Variants in BRD10 observed in about 807,000 individuals in gnomAD.
The protein encoded by BRD10 is uncharacterized bromodomain-containing protein 10.
chr9:6,005,447 G>A, the BRD10 span, among the ~76,000 whole-genome samples: 1 of 152,212 alleles, frequency 6.6e-6, no homozygotes, highest in East Asian at 1.9e-4. Flanking sequence ...GGAGGTTGCA[G>A]TGAGCTGAGA....
the BRD10 span, among the ~76,000 whole-genome samples, chr9:5,942,525 A>T: frequency 3.3e-5 from 5 of 152,246 alleles, no homozygotes; most frequent in Non-Finnish European, 5.9e-5. Context: ...GTAAAAAATA[A>T]GGAACAATAG....
the BRD10 span, among the ~76,000 whole-genome samples, chr9:5,887,808 G>A: frequency 3.9e-5 from 6 of 152,188 alleles, no homozygotes; most frequent in African/African-American, 1.4e-4. Flanking sequence ...CCAACTGGTT[G>A]TTCTTTCTGA....
the BRD10 span, among the ~76,000 whole-genome samples, chr9:5,879,191 G>T: frequency 6.6e-6 from 1 of 152,098 alleles, no homozygotes; most frequent in African/African-American, 2.4e-5. Context: ...GGCTGGGTGC[G>T]GTGGCTCACA....
At chr9:5,983,944 T>C in the BRD10 span, among the ~76,000 whole-genome samples, 1 of 113,456 alleles carries the variant, frequency 8.8e-6, no homozygotes, top group African/African-American at 3.5e-5. Flanking sequence ...CAATACAGAG[T>C]CATATATGTA....
the BRD10 span, among the ~76,000 whole-genome samples, chr9:5,994,149 C>T: frequency 1.3e-5 from 2 of 152,080 alleles, no homozygotes; most frequent in African/African-American, 4.8e-5. Flanking sequence ...ATGCCCTCAC[C>T]AAAAACTTTT....
the BRD10 span, among the ~76,000 whole-genome samples, chr9:5,912,619 A>G: frequency 5.3e-5 from 8 of 152,212 alleles, no homozygotes; most frequent in African/African-American, 1.9e-4. Context: ...GCCTTCAGGA[A>G]AGGGAGATCC....
chr9:5,928,199 C>A, the BRD10 span, among the ~76,000 whole-genome samples: 1 of 152,232 alleles, frequency 6.6e-6, no homozygotes, highest in African/African-American at 2.4e-5. Context: ...GCAAATTCTA[C>A]CAATCCTACT....
At chr9:5,947,469 C>A in the BRD10 span, among the ~76,000 whole-genome samples, 2 of 151,866 alleles carry the variant, frequency 1.3e-5, no homozygotes, top group African/African-American at 4.8e-5. Context: ...ATTAAATGTA[C>A]GATAAGACAA....
At chr9:5,979,578 A>G in the BRD10 span, among the ~76,000 whole-genome samples, 8 of 152,294 alleles carry the variant, frequency 5.3e-5, no homozygotes, top group African/African-American at 1.9e-4. Flanking sequence ...AAAAAGGAAC[A>G]ATGAACAGAT....
At chr9:5,943,888 T>G in the BRD10 span, among the ~76,000 whole-genome samples, 182 of 152,308 alleles carry the variant, frequency 1.2e-3, 2 homozygotes, top group African/African-American at 4.3e-3. Flanking sequence ...TGCTTAAGGC[T>G]GTTTCACCCT....
the BRD10 span, among the ~76,000 whole-genome samples, chr9:5,889,038 CTGTT>C: frequency 6.6e-6 from 1 of 152,200 alleles, no homozygotes; most frequent in Non-Finnish European, 1.5e-5. Flanking sequence ...GTCATGGTCA[CTGTT>C]TGGTGGTCTC....
At chr9:5,889,569 G>A in the BRD10 span, among the ~76,000 whole-genome samples, 1 of 152,188 alleles carries the variant, frequency 6.6e-6, no homozygotes, top group African/African-American at 2.4e-5. Context: ...GGTGGATCAT[G>A]AGGTCAGGAG....
the BRD10 span, among the ~76,000 whole-genome samples, chr9:5,886,614 T>C: frequency 4.7e-4 from 71 of 152,310 alleles, no homozygotes; most frequent in African/African-American, 1.6e-3. Context: ...GCTGTTAGTT[T>C]GGGACTAGAT....
the BRD10 span, among the ~76,000 whole-genome samples, chr9:5,995,959 C>T: frequency 6.6e-6 from 1 of 151,846 alleles, no homozygotes; most frequent in South Asian, 2.1e-4. Context: ...TGTGAAAAGT[C>T]AAAAAGAAAA....
chr9:5,938,372 G>T, the BRD10 span, among the ~76,000 whole-genome samples: 1 of 152,104 alleles, frequency 6.6e-6, no homozygotes, highest in Non-Finnish European at 1.5e-5. Flanking sequence ...AGCCCAGAAG[G>T]TCAAGGCTGC....
the BRD10 span, among the ~76,000 whole-genome samples, chr9:5,995,506 A>C: frequency 2.0e-5 from 3 of 152,320 alleles, no homozygotes; most frequent in South Asian, 6.2e-4. Context: ...AAACAAGTCC[A>C]AGTTTCCCTG....
At chr9:5,916,622 T>A in the BRD10 span, among the ~76,000 whole-genome samples, 1 of 151,764 alleles carries the variant, frequency 6.6e-6, no homozygotes, top group African/African-American at 2.4e-5. Flanking sequence ...AAAAACTTTT[T>A]GTGAGGGCAG....
the BRD10 span, among the ~76,000 whole-genome samples, chr9:6,001,435 A>G: frequency 6.6e-6 from 1 of 152,138 alleles, no homozygotes. Flanking sequence ...CTGCCACTAC[A>G]TATCCTCATC....
the BRD10 span, among the ~76,000 whole-genome samples, chr9:5,951,692 CAAAT>C: frequency 4.6e-5 from 7 of 152,132 alleles, no homozygotes; most frequent in South Asian, 2.1e-4. Flanking sequence ...GTGGAAGACT[CAAAT>C]AAAGTAACAC....
Sources: allele counts gnomAD v4.1 joint callset (sites outside exome capture counted in the v4.1 genomes callset), GRCh38; gene constraint gnomAD v4.1.1; transcripts MANE v1.5; gene names NCBI Gene and HGNC (gene_info 2026-07-23, HGNC 2026-07-21).